Variants in ADAM12 observed in about 807,000 individuals in gnomAD.
ADAM12 encodes ADAM metallopeptidase domain 12, also known as disintegrin and metalloproteinase domain-containing protein 12.
A neutral mutation model predicts 106.4 loss-of-function variants in ADAM12; 70 were observed. That is an observed-to-expected ratio of 0.66 (90% CI 0.54 to 0.80). The LOEUF (loss-of-function observed/expected upper bound fraction) is 0.80, where lower values mean the gene tolerates loss of function less well. Among genes scored for constraint, ADAM12 ranks in the 30% least tolerant of loss-of-function variants. The probability of loss-of-function intolerance (pLI) is 0.00; values close to 1 mark genes in which losing one functional copy is unlikely to be tolerated. For synonymous variants in ADAM12, 420 were observed against 433.5 expected (o/e 0.97, Z 0.39); for missense variants, 1,010 against 1,171.9 (o/e 0.86, Z 2.02).
intron 5 of ADAM12, among the ~76,000 whole-genome samples, chr10:126,134,088 G>GCACTCA (rs1565084677): frequency 6.6e-6 from 1 of 152,150 alleles, no homozygotes. Flanking sequence ...AAGCACTCAA[G>GCACTCA]GAATGTTTTC....
intron 10 of ADAM12, 28 bp from the exon 11 acceptor site, chr10:126,094,161 T>C: frequency 6.2e-7 from 1 of 1,606,068 alleles, no homozygotes; most frequent in Non-Finnish European, 8.5e-7. Context: ...AGTACAGGTG[T>C]ATAATTCATA....
chr10:126,125,055 C>G (rs957788149), intron 5 of ADAM12, among the ~76,000 whole-genome samples: 1 of 151,916 alleles, frequency 6.6e-6, no homozygotes, highest in African/African-American at 2.4e-5. Context: ...ATTAAGTTCA[C>G]TCCTTGAAAG....
At chr10:126,214,590 G>A (rs538364102) in intron 3 of ADAM12, among the ~76,000 whole-genome samples, 2 of 152,286 alleles carry the variant, frequency 1.3e-5, no homozygotes, top group African/African-American at 4.8e-5. Context: ...GGGAGTAGAT[G>A]GTCAGAGGAA....
chr10:126,049,264 C>T lies in ADAM12; in HGVS notation c.1906G>A (p.Ala636Thr). Residue 636 changes from alanine to threonine, a missense_variant, in exon 16 of 23, where the codon GCA becomes ACA. Around this residue, in one of 3 missense-constraint regions of ADAM12, gnomAD observed 615 missense variants for 708.5 expected, o/e 0.87. Coordinates refer to ENST00000448723, the MANE Select transcript of ADAM12 (RefSeq NM_001288973.2). The surrounding 1 kb of genome is among the most constrained non-coding windows in gnomAD (Gnocchi z 4.4). ...CATTTGGGTCTTACTTTTCCATCTG[C>T]ACACTTTGTGCCTGCAAGCACAAGC... Reference protein sequence around the residue: ...PGLVLAGTKCADGKICLNRQC... With the variant: ...PGLVLAGTKCTDGKICLNRQC... 8.7e-6 allele frequency: 14 copies of T among 1,614,104 alleles called. No individual in the cohort carries two copies. The highest frequency in any genetic ancestry group is 1.2e-5 in the Non-Finnish European group (14 of 1,179,960).
intron 14 of ADAM12, among the ~76,000 whole-genome samples, chr10:126,061,455 C>T: frequency 6.6e-6 from 1 of 152,160 alleles, no homozygotes; most frequent in Non-Finnish European, 1.5e-5. Context: ...CTAAAAGGCC[C>T]ACATCCTTGT....
intron 2 of ADAM12, among the ~76,000 whole-genome samples, chr10:126,325,347 G>A (rs1005184831): frequency 6.6e-6 from 1 of 152,192 alleles, no homozygotes; most frequent in Non-Finnish European, 1.5e-5. Context: ...GGAGGGAACT[G>A]GGGGGAGGCA....
chr10:126,349,951 T>C (rs868481170), intron 1 of ADAM12, among the ~76,000 whole-genome samples: 18 of 152,202 alleles, frequency 1.2e-4, no homozygotes, highest in African/African-American at 2.7e-4. Context: ...ATGCATATGA[T>C]TGAAATCTAG....
chr10:126,111,731 A>G (rs1183813883), intron 6 of ADAM12, among the ~76,000 whole-genome samples: 16 of 152,186 alleles, frequency 1.1e-4, no homozygotes, highest in Admixed American at 1.0e-3. Flanking sequence ...AGAAGTCTAC[A>G]TTTTCTCATG....
chr10:126,101,791 A>G (rs1051678701), intron 8 of ADAM12, among the ~76,000 whole-genome samples: 2 of 152,246 alleles, frequency 1.3e-5, no homozygotes, highest in African/African-American at 4.8e-5. Context: ...AAAATAAAGA[A>G]GTCAATATCT....
intron 1 of ADAM12, among the ~76,000 whole-genome samples, chr10:126,380,976 G>A (rs1590846923): frequency 1.3e-5 from 2 of 151,856 alleles, no homozygotes; most frequent in African/African-American, 4.8e-5. Flanking sequence ...ACTCTGATGA[G>A]TTCATTACAG....
chr10:126,240,311 G>A (rs752945719), intron 3 of ADAM12, among the ~76,000 whole-genome samples: 3 of 152,258 alleles, frequency 2.0e-5, no homozygotes, highest in Non-Finnish European at 4.4e-5. Flanking sequence ...CACAGGCGAT[G>A]CTCTGGGGGG....
chr10:126,172,806 A>C (rs1395359703), intron 3 of ADAM12, among the ~76,000 whole-genome samples: 1 of 152,240 alleles, frequency 6.6e-6, no homozygotes. Flanking sequence ...ACACATGCAC[A>C]CGTATGTTTA....
intron 3 of ADAM12, among the ~76,000 whole-genome samples, chr10:126,188,340 T>A (rs549127302): frequency 6.6e-6 from 1 of 152,320 alleles, no homozygotes; most frequent in South Asian, 2.1e-4. Flanking sequence ...TTTGGCCACA[T>A]CACTGTTGAA....
intron 1 of ADAM12, among the ~76,000 whole-genome samples, chr10:126,355,863 C>A (rs1046172814): frequency 2.0e-5 from 3 of 152,188 alleles, no homozygotes; most frequent in Non-Finnish European, 4.4e-5. Context: ...GAGGTACCAG[C>A]AAACAGCATA....
intron 3 of ADAM12, among the ~76,000 whole-genome samples, chr10:126,219,781 T>G (rs1240882534): frequency 6.6e-6 from 1 of 152,194 alleles, no homozygotes; most frequent in African/African-American, 2.4e-5. Flanking sequence ...GAAACATTTG[T>G]TTTTGGATAG....
At chr10:126,204,137 C>T (rs1397779844) in intron 3 of ADAM12, among the ~76,000 whole-genome samples, 1 of 152,204 alleles carries the variant, frequency 6.6e-6, no homozygotes, top group Non-Finnish European at 1.5e-5. Context: ...GGAGAAGCCA[C>T]CTCCTACTTC....
chr10:126,021,779 A>C (rs1018477720), intron 21 of ADAM12, among the ~76,000 whole-genome samples: 3 of 152,168 alleles, frequency 2.0e-5, no homozygotes, highest in African/African-American at 7.2e-5. Context: ...GGCTCCTAGC[A>C]CAGGGCCTGG....
chr10:126,382,673 T>C (rs1241460542), intron 1 of ADAM12, among the ~76,000 whole-genome samples: 2 of 152,200 alleles, frequency 1.3e-5, no homozygotes, highest in Non-Finnish European at 2.9e-5. Flanking sequence ...AGCTCTTTAA[T>C]GCCCCGTTAT....
At chr10:126,056,213 G>A (rs1368815101) in intron 14 of ADAM12, among the ~76,000 whole-genome samples, 2 of 152,180 alleles carry the variant, frequency 1.3e-5, no homozygotes. Context: ...AAACATGAGG[G>A]AGTGAGGGAT....
Sources: allele counts gnomAD v4.1 joint callset (sites outside exome capture counted in the v4.1 genomes callset), GRCh38; gene constraint gnomAD v4.1.1; regional missense constraint gnomAD v4.1.1; non-coding constraint Gnocchi (gnomAD v3.1); transcripts MANE v1.5; gene names NCBI Gene and HGNC (gene_info 2026-07-23, HGNC 2026-07-21).